The following TAFA4 variants were observed in gnomAD, a reference collection of about 807,000 sequenced individuals.
TAFA4 encodes the protein TAFA chemokine like family member 4, also known as chemokine-like protein TAFA-4.
A neutral mutation model predicts 21.1 loss-of-function variants in TAFA4; 20 were observed. That is an observed-to-expected ratio of 0.95 (90% CI 0.67 to 1.38). The LOEUF is 1.38. Ranked by LOEUF, TAFA4 falls within the 40% of genes most tolerant of loss-of-function variation. TAFA4 has a pLI of 0.00. For missense variants in TAFA4, 211 were observed against 180.9 expected, an observed-to-expected ratio of 1.17 and a Z score of -0.95; for synonymous variants, 71 against 67.4, an observed-to-expected ratio of 1.05 and a Z score of -0.26.
chr3:68,786,577 T>C (rs1347030667), intron 3 of TAFA4, among the ~76,000 whole-genome samples: 1 of 152,208 alleles, frequency 6.6e-6, no homozygotes, highest in Non-Finnish European at 1.5e-5. Context: ...TTACCACATA[T>C]AAGTATTAGC....
chr3:68,896,410 C>T (rs1293648000), intron 1 of TAFA4, among the ~76,000 whole-genome samples: 2 of 152,212 alleles, frequency 1.3e-5, no homozygotes, highest in East Asian at 3.9e-4. Context: ...GACAACACAG[C>T]CCAAGAAAAA....
chr3:68,777,693 T>C (rs1012553483), intron 3 of TAFA4, among the ~76,000 whole-genome samples: 3 of 152,006 alleles, frequency 2.0e-5, no homozygotes, highest in South Asian at 2.1e-4. Context: ...AGAGAACAAA[T>C]AGTAATATGC....
At chr3:68,831,173 C>T (rs1326766642) in intron 3 of TAFA4, among the ~76,000 whole-genome samples, 1 of 152,054 alleles carries the variant, frequency 6.6e-6, no homozygotes, top group Non-Finnish European at 1.5e-5. Flanking sequence ...TAATTGGGGC[C>T]TTTAGCCCAT....
intron 3 of TAFA4, among the ~76,000 whole-genome samples, chr3:68,776,144 A>C (rs559394698): frequency 6.6e-6 from 1 of 152,290 alleles, no homozygotes; most frequent in African/African-American, 2.4e-5. Context: ...GAAAACAAAA[A>C]AATAAGCCGG....
chr3:68,917,192 T>C (rs562059713), intron 1 of TAFA4, among the ~76,000 whole-genome samples: 1 of 152,246 alleles, frequency 6.6e-6, no homozygotes, highest in African/African-American at 2.4e-5. Flanking sequence ...CCCCAACCTC[T>C]TGGAGGGCAA....
intron 3 of TAFA4, among the ~76,000 whole-genome samples, chr3:68,854,143 A>C (rs962827075): frequency 3.9e-5 from 6 of 152,066 alleles, no homozygotes. Flanking sequence ...GAGACACCTA[A>C]AGAGATGACA....
intron 3 of TAFA4, among the ~76,000 whole-genome samples, chr3:68,761,031 T>G (rs1205221374): frequency 6.6e-6 from 1 of 152,192 alleles, no homozygotes; most frequent in Non-Finnish European, 1.5e-5. Flanking sequence ...GGAAGTGGAT[T>G]TATCGTTACC....
chr3:68,797,131 G>A (rs191046140), intron 3 of TAFA4, among the ~76,000 whole-genome samples: 1 of 152,136 alleles, frequency 6.6e-6, no homozygotes, highest in African/African-American at 2.4e-5. Context: ...ACATGATCTG[G>A]TAATCCCACT....
chr3:68,815,500 A>C (rs988950383), intron 3 of TAFA4, among the ~76,000 whole-genome samples: 1 of 152,196 alleles, frequency 6.6e-6, no homozygotes, highest in African/African-American at 2.4e-5. Flanking sequence ...AAAAGTGGGC[A>C]AAGGATATGA....
At position 68,908,242 on chromosome 3, in the gene TAFA4, G is replaced by T. The variant is rs6801631; in HGVS notation, c.-122-22932C>A. ...TAGAGACTCCCTAAGAGACACAGAG[G>T]TTAACATTTTGGGAAAGGTTACAAA... On this transcript the variant is annotated intron_variant, in intron 1 of 5. Coordinates refer to ENST00000295569, the MANE Select transcript of TAFA4 (RefSeq NM_182522.5). 1.2e-3 allele frequency among the ~76,000 whole-genome samples: 185 copies of T among 152,246 alleles called. 2 individuals carry two copies. Among genetic ancestry groups the T allele is most frequent in the African/African-American group, 4.4e-3 (182 of 41,538 alleles).
chr3:68,811,914 C>T (rs931658944), intron 3 of TAFA4, among the ~76,000 whole-genome samples: 8 of 152,048 alleles, frequency 5.3e-5, no homozygotes, highest in African/African-American at 1.7e-4. Context: ...ATGTTAAGGG[C>T]AGCCAGAGAG....
At chr3:68,757,338 C>T (rs1702677143) in intron 3 of TAFA4, among the ~76,000 whole-genome samples, 1 of 152,000 alleles carries the variant, frequency 6.6e-6, no homozygotes, top group African/African-American at 2.4e-5. Context: ...TAAATGACCT[C>T]ATTTACTCTT....
chr3:68,753,133 G>C, intron 3 of TAFA4, 115 bp from the exon 4 acceptor site: 1 of 870,110 alleles, frequency 1.1e-6, no homozygotes, highest in East Asian at 2.6e-5. Flanking sequence ...ATGCTTATGA[G>C]TCTTTGTAAC....
intron 3 of TAFA4, among the ~76,000 whole-genome samples, chr3:68,772,980 T>G (rs560993038): frequency 6.6e-6 from 1 of 152,320 alleles, no homozygotes; most frequent in East Asian, 1.9e-4. Context: ...TTTCTGTTAA[T>G]CAGACAACTA....
intron 4 of TAFA4, among the ~76,000 whole-genome samples, chr3:68,744,015 G>C (rs896221875): frequency 4.6e-5 from 7 of 152,144 alleles, no homozygotes; most frequent in African/African-American, 1.7e-4. Flanking sequence ...ACCATCTGCA[G>C]GACTAGAAAA....
At chr3:68,838,016 G>A (rs1704562589) in intron 3 of TAFA4, among the ~76,000 whole-genome samples, 1 of 151,970 alleles carries the variant, frequency 6.6e-6, no homozygotes, top group Non-Finnish European at 1.5e-5. Flanking sequence ...ATTTTGTGAT[G>A]AGAACACTTA....
chr3:68,744,063 T>C (rs1465500757), intron 4 of TAFA4, among the ~76,000 whole-genome samples: 1 of 152,220 alleles, frequency 6.6e-6, no homozygotes, highest in East Asian at 1.9e-4. Context: ...TGTATTTACA[T>C]AGAATTAGAG....
chr3:68,929,180 A>G (rs1056204493), intron 1 of TAFA4, among the ~76,000 whole-genome samples: 17 of 152,338 alleles, frequency 1.1e-4, no homozygotes, highest in African/African-American at 4.1e-4. Flanking sequence ...GTGCCATACT[A>G]CAGCTTAAGT....
chr3:68,802,663 G>C (rs1703601803), intron 3 of TAFA4, among the ~76,000 whole-genome samples: 1 of 152,150 alleles, frequency 6.6e-6, no homozygotes. Context: ...CTGCTTTGAA[G>C]AGCAGCCAAA....
Sources: gnomAD v4.1 joint callset for allele counts (sites outside exome capture counted in the v4.1 genomes callset) on GRCh38, gnomAD v4.1.1 for gene constraint, MANE v1.5 for transcripts, NCBI Gene and HGNC (gene_info 2026-07-23, HGNC 2026-07-21) for gene names.